Variants in UNC13C observed in about 807,000 individuals in gnomAD.
UNC13C encodes the protein unc-13 homolog C, also known as protein unc-13 homolog C.
A neutral mutation model predicts 245.4 loss-of-function variants in UNC13C; 174 were observed. The ratio of observed to expected loss-of-function variants is 0.71; its 90% CI spans 0.63 to 0.80. The LOEUF (loss-of-function observed/expected upper bound fraction) is 0.80. UNC13C is among the 30% of genes least tolerant of loss of function. The probability of loss-of-function intolerance (pLI) is 0.00; values close to 1 mark genes in which losing one functional copy is unlikely to be tolerated. For missense variants in UNC13C, 2,829 were observed against 2,602.9 expected (o/e 1.09, Z -1.89); for synonymous variants, 992 against 895.1 (o/e 1.11, Z -1.93).
intron 19 of UNC13C, among the ~76,000 whole-genome samples, chr15:54,494,270 A>T (rs536834869): frequency 2.0e-5 from 3 of 152,166 alleles, no homozygotes; most frequent in African/African-American, 7.2e-5. Context: ...GTCACTTTGC[A>T]TCAAGCTAAA....
At chr15:53,855,249 A>G in the UNC13C span, among the ~76,000 whole-genome samples, 2 of 152,156 alleles carry the variant, frequency 1.3e-5, no homozygotes, top group Admixed American at 1.3e-4. Flanking sequence ...AGCAGAGACA[A>G]TTTGACTTCC....
the UNC13C span, among the ~76,000 whole-genome samples, chr15:53,907,087 T>C: frequency 6.6e-6 from 1 of 152,164 alleles, no homozygotes; most frequent in Non-Finnish European, 1.5e-5. Flanking sequence ...GAAGAGATTG[T>C]TTTTGTTTGT....
At chr15:54,472,434 T>C (rs1892512167) in intron 19 of UNC13C, among the ~76,000 whole-genome samples, 1 of 151,142 alleles carries the variant, frequency 6.6e-6, no homozygotes. Flanking sequence ...TTTTCTTTCA[T>C]TAAAAAGTGC....
At chr15:54,203,760 A>G (rs2034608560) in intron 4 of UNC13C, among the ~76,000 whole-genome samples, 1 of 118,706 alleles carries the variant, frequency 8.4e-6, no homozygotes, top group African/African-American at 2.8e-5. Context: ...ATATACACAT[A>G]TATATGTATA....
chr15:54,129,488 T>G (rs2031273480), intron 2 of UNC13C, among the ~76,000 whole-genome samples: 1 of 152,188 alleles, frequency 6.6e-6, no homozygotes, highest in Non-Finnish European at 1.5e-5. Flanking sequence ...AAAATGTGTC[T>G]AATAGTTTAA....
At chr15:54,487,925 A>AT (rs1489237458) in intron 19 of UNC13C, among the ~76,000 whole-genome samples, 2 of 151,752 alleles carry the variant, frequency 1.3e-5, no homozygotes, top group South Asian at 2.1e-4. Flanking sequence ...ATAGTCATTT[A>AT]TTTTTTCATT....
intron 10 of UNC13C, among the ~76,000 whole-genome samples, chr15:54,272,572 AG>A (rs1424213860): frequency 6.6e-6 from 1 of 152,186 alleles, no homozygotes; most frequent in Non-Finnish European, 1.5e-5. Flanking sequence ...CAGTTTCTAA[AG>A]CAAGGAGTTT....
intron 2 of UNC13C, among the ~76,000 whole-genome samples, chr15:54,106,462 C>T (rs1900450415): frequency 6.6e-6 from 1 of 152,176 alleles, no homozygotes; most frequent in Non-Finnish European, 1.5e-5. Flanking sequence ...AAAAGTGATT[C>T]AGATTTGAGA....
chr15:54,078,747 C>A (rs991422379), intron 2 of UNC13C, among the ~76,000 whole-genome samples: 2 of 151,892 alleles, frequency 1.3e-5, no homozygotes, highest in Admixed American at 6.6e-5. Context: ...GTGTAGTTTG[C>A]AAATACTTTC....
intron 18 of UNC13C, among the ~76,000 whole-genome samples, chr15:54,396,722 A>T (rs2040077084): frequency 6.6e-6 from 1 of 151,424 alleles, no homozygotes; most frequent in Non-Finnish European, 1.5e-5. Context: ...ACCTATCCTA[A>T]CAGGCATATA....
chr15:53,963,692 T>A, the UNC13C span, among the ~76,000 whole-genome samples: 1 of 152,238 alleles, frequency 6.6e-6, no homozygotes, highest in South Asian at 2.1e-4. Flanking sequence ...GAAGGCTTGT[T>A]AAAGATGAGT....
chr15:54,335,741 C>G (rs2038557304), intron 16 of UNC13C, among the ~76,000 whole-genome samples: 1 of 152,146 alleles, frequency 6.6e-6, no homozygotes. Flanking sequence ...TATGTATGTG[C>G]TATCGATTTA....
At chr15:54,491,922 G>A (rs1396289638) in intron 19 of UNC13C, among the ~76,000 whole-genome samples, 4 of 150,578 alleles carry the variant, frequency 2.7e-5, no homozygotes, top group South Asian at 2.1e-4. Context: ...AACCCGGGAG[G>A]CGGAGCTTGT....
At chr15:54,227,635 C>T (rs1267075444) in intron 4 of UNC13C, among the ~76,000 whole-genome samples, 2 of 152,190 alleles carry the variant, frequency 1.3e-5, no homozygotes, top group African/African-American at 4.8e-5. Context: ...TGGCTTCAGC[C>T]TTGTTCCAAA....
chr15:54,018,482 G>A (rs17552102), intron 2 of UNC13C, among the ~76,000 whole-genome samples: 25,006 of 152,212 alleles, frequency 0.16, 2,682 homozygotes, highest in Admixed American at 0.25. Flanking sequence ...GATATTTGAT[G>A]ATAATGTTTC....
chr15:54,283,811 G>A (rs2037068265), intron 10 of UNC13C, among the ~76,000 whole-genome samples: 1 of 152,104 alleles, frequency 6.6e-6, no homozygotes, highest in African/African-American at 2.4e-5. Context: ...GAGGCTCAGT[G>A]CAACTGAGCA....
chr15:53,888,311 T>C, the UNC13C span, among the ~76,000 whole-genome samples: 2 of 152,238 alleles, frequency 1.3e-5, no homozygotes, highest in African/African-American at 4.8e-5. Flanking sequence ...CCAGTGATGA[T>C]GAACATTTTT....
intron 25 of UNC13C, among the ~76,000 whole-genome samples, chr15:54,532,714 G>A (rs144602739): frequency 2.0e-3 from 312 of 152,226 alleles, no homozygotes; most frequent in African/African-American, 7.3e-3. Flanking sequence ...CTGAAGAACA[G>A]CACTTTTATC....
chr15:53,939,868 G>A, the UNC13C span, among the ~76,000 whole-genome samples: 1 of 152,098 alleles, frequency 6.6e-6, no homozygotes, highest in Non-Finnish European at 1.5e-5. Context: ...TTAACCTGCT[G>A]GCTGTTCCAT....
Sources: allele counts gnomAD v4.1 joint callset (sites outside exome capture counted in the v4.1 genomes callset), GRCh38; gene constraint gnomAD v4.1.1; transcripts MANE v1.5; gene names NCBI Gene and HGNC (gene_info 2026-07-23, HGNC 2026-07-21).